Variants in SLX4IP observed in about 807,000 individuals in gnomAD.
SLX4IP encodes the protein SLX4 interacting protein, also known as protein SLX4IP.
SLX4IP carries 34 observed loss-of-function variants against 32.9 expected under a neutral mutation model. The ratio of observed to expected loss-of-function variants is 1.03; its 90% CI spans 0.79 to 1.38. SLX4IP has a LOEUF of 1.38. Ranked by LOEUF, SLX4IP falls within the 40% of genes most tolerant of loss-of-function variation. SLX4IP has a pLI of 0.00. For synonymous variants in SLX4IP, 172 were observed against 171.7 expected, an observed-to-expected ratio of 1.00 and a Z score of -0.01; for missense variants, 444 against 479.0, an observed-to-expected ratio of 0.93 and a Z score of 0.68.
At chr20:10,450,772 G>A (rs1185247361) in intron 1 of SLX4IP, among the ~76,000 whole-genome samples, 1 of 152,154 alleles carries the variant, frequency 6.6e-6, no homozygotes, top group African/African-American at 2.4e-5. Flanking sequence ...TTTGTTTTGA[G>A]ACGGAGTCTC....
chr20:10,493,422 T>C (rs1043462597), intron 2 of SLX4IP, among the ~76,000 whole-genome samples: 4 of 152,232 alleles, frequency 2.6e-5, no homozygotes, highest in African/African-American at 4.8e-5. Flanking sequence ...CAATTATTCA[T>C]TTTTTAGATT....
intron 2 of SLX4IP, among the ~76,000 whole-genome samples, chr20:10,541,926 G>A (rs1181135669): frequency 1.3e-5 from 2 of 152,168 alleles, no homozygotes; most frequent in African/African-American, 4.8e-5. Context: ...ATATGTATCT[G>A]TATGACTCTA....
rs572983087 is a variant in SLX4IP at position 10,563,064 on chromosome 20, T to C, written c.238+2244T>C. ...ATGAGTTCCTTTTTCTTCACATCCTTGCCAGCACTTGTTAGTTTTTGTCTT... is the reference window on the plus strand; with the variant it reads ...ATGAGTTCCTTTTTCTTCACATCCTCGCCAGCACTTGTTAGTTTTTGTCTT... On this transcript the variant is annotated intron_variant, in intron 4 of 7. Coordinates refer to ENST00000334534, the MANE Select transcript of SLX4IP (RefSeq NM_001009608.3). Among the ~76,000 whole-genome samples the C allele has an allele frequency of 2.0e-5, 3 of 152,340 alleles. No homozygotes were observed. The South Asian group carries it at 6.2e-4, about 32-fold the overall frequency.
intron 2 of SLX4IP, among the ~76,000 whole-genome samples, chr20:10,479,397 G>A (rs1478924934): frequency 7.2e-6 from 1 of 137,956 alleles, no homozygotes; most frequent in Non-Finnish European, 1.5e-5. Context: ...CTGTCACCCA[G>A]GCTGGAGTAC....
rs1197749158 is a variant in SLX4IP at position 10,560,736 on chromosome 20, A to G, written c.154A>G (p.Arg52Gly). Reference sequence around the variant, plus strand: ...ACTGTTAAAAGAAACCATTGATTCAAGAGTTCAGGAGTACTTGGAAGTTCG... The same window carrying G: ...ACTGTTAAAAGAAACCATTGATTCAGGAGTTCAGGAGTACTTGGAAGTTCG... ...CLLLKETIDS[R>G]VQEYLEVRKQ... Residue 52 changes from arginine to glycine, a missense_variant, in exon 4 of 8, where the codon AGA becomes GGA. By Grantham distance (125) the Arg-to-Gly change is moderately radical (BLOSUM62 -2). Transcript: ENST00000334534. 3 of 1,599,668 alleles carry G rather than the reference A, an allele frequency of 1.9e-6. No individual in the cohort carries two copies. The South Asian group carries it at 3.4e-5, about 18-fold the overall frequency.
intron 2 of SLX4IP, among the ~76,000 whole-genome samples, chr20:10,551,889 G>A (rs895597026): frequency 7.9e-5 from 12 of 152,176 alleles, no homozygotes; most frequent in African/African-American, 2.9e-4. Context: ...GGACTGATCC[G>A]ATTTATAGGT....
rs142294282 is a variant in SLX4IP at position 10,619,869 on chromosome 20, G to A, written c.406-1445G>A. 3.0e-3 allele frequency among the ~76,000 whole-genome samples: 464 copies of A among 152,246 alleles called. 5 individuals carry two copies. The highest frequency in any genetic ancestry group is 0.011 in the African/African-American group (436 of 41,522). ...AAGTCTTAGAAAACAAAAAAAAAGG[G>A]AGTATAATCCAATAAAATCCAATAA... is the stretch of plus-strand genomic sequence containing the variant. On this transcript the variant is annotated intron_variant, in intron 6 of 7. Transcript: ENST00000334534.
At chr20:10,548,332 G>A (rs985508587) in intron 2 of SLX4IP, among the ~76,000 whole-genome samples, 73 of 151,960 alleles carry the variant, frequency 4.8e-4, no homozygotes, top group African/African-American at 1.7e-3. Context: ...TCCGCCTCCC[G>A]GGTTCATGCC....
intron 4 of SLX4IP, among the ~76,000 whole-genome samples, chr20:10,593,519 G>A (rs1422662670): frequency 1.3e-5 from 2 of 152,118 alleles, no homozygotes; most frequent in Non-Finnish European, 2.9e-5. Flanking sequence ...AGGATCGCTT[G>A]AGCCCAGGAG....
At chr20:10,495,430 T>C (rs982159532) in intron 2 of SLX4IP, among the ~76,000 whole-genome samples, 1 of 152,166 alleles carries the variant, frequency 6.6e-6, no homozygotes, top group Non-Finnish European at 1.5e-5. Flanking sequence ...ATGGTCGGGG[T>C]TTTGTAAATG....
intron 2 of SLX4IP, among the ~76,000 whole-genome samples, chr20:10,515,017 GA>G (rs1196803408): frequency 1.3e-5 from 2 of 151,142 alleles, no homozygotes; most frequent in South Asian, 2.1e-4. Context: ...GGACACTCTT[GA>G]GGGGCAGAAT....
intron 1 of SLX4IP, among the ~76,000 whole-genome samples, chr20:10,436,168 A>G (rs577263765): frequency 4.2e-4 from 64 of 152,258 alleles, no homozygotes; most frequent in Non-Finnish European, 8.1e-4. Context: ...CTAATATTCC[A>G]GTTACTTAGG....
intron 6 of SLX4IP, among the ~76,000 whole-genome samples, chr20:10,614,393 T>C (rs564328972): frequency 3.3e-5 from 5 of 152,290 alleles, no homozygotes; most frequent in Non-Finnish European, 5.9e-5. Context: ...TTTGGTGGGA[T>C]AGCTTCTGCC....
chr20:10,551,345 G>A (rs980255615), intron 2 of SLX4IP, among the ~76,000 whole-genome samples: 8 of 152,216 alleles, frequency 5.3e-5, no homozygotes, highest in Non-Finnish European at 7.3e-5. Flanking sequence ...TAGGGAGAGA[G>A]GAAGTTGTTC....
chr20:10,444,993 G>A (rs2065189887), intron 1 of SLX4IP, among the ~76,000 whole-genome samples: 1 of 152,156 alleles, frequency 6.6e-6, no homozygotes, highest in African/African-American at 2.4e-5. Context: ...CAGGCTGTGT[G>A]CATGTAGTAA....
intron 4 of SLX4IP, among the ~76,000 whole-genome samples, chr20:10,581,948 G>C (rs991933331): frequency 5.3e-5 from 8 of 152,106 alleles, no homozygotes; most frequent in Non-Finnish European, 1.2e-4. Flanking sequence ...ACTGAGAGCT[G>C]AGTAATGCCT....
intron 2 of SLX4IP, among the ~76,000 whole-genome samples, chr20:10,501,554 A>T (rs1446345239): frequency 6.6e-6 from 1 of 152,186 alleles, no homozygotes; most frequent in East Asian, 1.9e-4. Context: ...CATGATAAAT[A>T]CTTCTGCCTC....
intron 6 of SLX4IP, among the ~76,000 whole-genome samples, chr20:10,616,811 C>T (rs893750781): frequency 1.3e-5 from 2 of 152,164 alleles, no homozygotes; most frequent in Non-Finnish European, 2.9e-5. Context: ...CTCCTCATAA[C>T]ATCATAACCA....
At chr20:10,503,909 T>G (rs1054744610) in intron 2 of SLX4IP, among the ~76,000 whole-genome samples, 1 of 151,922 alleles carries the variant, frequency 6.6e-6, no homozygotes, top group African/African-American at 2.4e-5. Context: ...CATATTGGAT[T>G]AAAGATCTAC....
Sources: gnomAD v4.1 joint callset for allele counts (sites outside exome capture counted in the v4.1 genomes callset) on GRCh38, gnomAD v4.1.1 for gene constraint, MANE v1.5 for transcripts, NCBI Gene and HGNC (gene_info 2026-07-23, HGNC 2026-07-21) for gene names.